MCTP1: variants seen among roughly 807,000 people sequenced by gnomAD.
MCTP1 encodes the protein multiple C2 and transmembrane domain containing 1.
In MCTP1, 69 loss-of-function variants were observed where a neutral mutation model predicts 120.6. The observed-to-expected ratio is 0.57, with a 90% CI of 0.47 to 0.70. The LOEUF is 0.70. Among genes scored for constraint, MCTP1 ranks in the 30% least tolerant of loss-of-function variants. The pLI, the probability that MCTP1 is intolerant of heterozygous loss-of-function variation, is 0.00. For missense variants in MCTP1, 1,203 were observed against 1,248.8 expected (o/e 0.96, Z 0.55); for synonymous variants, 529 against 493.1 (o/e 1.07, Z -0.96).
At chr5:94,732,607 A>C (rs1250523896) in intron 19 of MCTP1, among the ~76,000 whole-genome samples, 1 of 152,154 alleles carries the variant, frequency 6.6e-6, no homozygotes, top group Non-Finnish European at 1.5e-5. Context: ...CTAATCTCCA[A>C]TCTTATGATA....
At chr5:94,883,497 C>G (rs1430322205) in intron 12 of MCTP1, among the ~76,000 whole-genome samples, 1 of 152,150 alleles carries the variant, frequency 6.6e-6, no homozygotes, top group Non-Finnish European at 1.5e-5. Flanking sequence ...GAAACTATGA[C>G]TATTTGCACA....
At chr5:95,254,634 A>G (rs1234539320) in intron 1 of MCTP1, among the ~76,000 whole-genome samples, 1 of 152,200 alleles carries the variant, frequency 6.6e-6, no homozygotes, top group Non-Finnish European at 1.5e-5. Context: ...AGACATGGAT[A>G]CTATGTTAAG....
At chr5:94,934,400 G>A (rs545027861) in intron 5 of MCTP1, among the ~76,000 whole-genome samples, 1 of 151,890 alleles carries the variant, frequency 6.6e-6, no homozygotes, top group South Asian at 2.1e-4. Context: ...TATTATTATA[G>A]TACAATTCAA....
chr5:94,877,051 C>T (rs1422822571), intron 12 of MCTP1, among the ~76,000 whole-genome samples: 1 of 151,698 alleles, frequency 6.6e-6, no homozygotes, highest in African/African-American at 2.4e-5. Context: ...GCAACAGGAG[C>T]AAGGAGAAGG....
chr5:94,845,365 C>T (rs970784980), intron 17 of MCTP1, among the ~76,000 whole-genome samples: 1 of 152,100 alleles, frequency 6.6e-6, no homozygotes, highest in Non-Finnish European at 1.5e-5. Context: ...CACTTATTCA[C>T]TATCACGAGG....
chr5:94,744,846 A>G (rs73133904), intron 19 of MCTP1, among the ~76,000 whole-genome samples: 12,486 of 152,086 alleles, frequency 0.082, 584 homozygotes, highest in South Asian at 0.12. Context: ...ACATCCCGAG[A>G]TTTGATACCA....
intron 1 of MCTP1, among the ~76,000 whole-genome samples, chr5:95,114,882 C>T (rs1332175870): frequency 1.3e-5 from 2 of 152,160 alleles, no homozygotes; most frequent in African/African-American, 4.8e-5. Flanking sequence ...TGACCCAGCA[C>T]AGACACAGTG....
At chr5:95,211,762 A>G (rs1303755615) in intron 1 of MCTP1, among the ~76,000 whole-genome samples, 1 of 152,030 alleles carries the variant, frequency 6.6e-6, no homozygotes, top group Non-Finnish European at 1.5e-5. Context: ...TGCTTTTTAG[A>G]GTTTCCAGTT....
At chr5:94,842,283 A>T (rs962025012) in intron 17 of MCTP1, among the ~76,000 whole-genome samples, 1 of 152,122 alleles carries the variant, frequency 6.6e-6, no homozygotes, top group Non-Finnish European at 1.5e-5. Flanking sequence ...TTATTGAGAG[A>T]CTATTAGTAT....
chr5:95,110,162 A>G (rs73140066), intron 1 of MCTP1, among the ~76,000 whole-genome samples: 1,818 of 152,258 alleles, frequency 0.012, 38 homozygotes, highest in African/African-American at 0.039. Flanking sequence ...AACTTTGTGC[A>G]GAAACAGCTT....
intron 1 of MCTP1, among the ~76,000 whole-genome samples, chr5:95,236,597 G>T (rs987039551): frequency 4.6e-5 from 7 of 152,122 alleles, no homozygotes; most frequent in Non-Finnish European, 1.5e-5. Flanking sequence ...GCTGATTACG[G>T]TATAAAAAGT....
intron 1 of MCTP1, among the ~76,000 whole-genome samples, chr5:95,124,688 C>A (rs778280823): frequency 6.6e-6 from 1 of 152,176 alleles, no homozygotes; most frequent in Non-Finnish European, 1.5e-5. Flanking sequence ...ATAATTCCTA[C>A]GTTTGTAGAA....
At chr5:95,079,730 T>C (rs1754441982) in intron 1 of MCTP1, among the ~76,000 whole-genome samples, 1 of 151,880 alleles carries the variant, frequency 6.6e-6, no homozygotes, top group Admixed American at 6.6e-5. Context: ...TAAAAAATAT[T>C]TTATATTTTT....
chr5:94,868,399 A>G lies in MCTP1; in HGVS notation c.2370T>C (p.Asn790=). The part of the protein sequence containing the change: ...RMKRCVMVLV[N]AAYYVNSCFD... ...AGCAACTATTAACGTAGTATGCAGC[A>G]TTTACCAGCACCATGACACAACGTT... Residue 790 remains asparagine (N), a synonymous_variant, in exon 17 of 23, where the codon AAT becomes AAC. Coordinates refer to ENST00000515393, the MANE Select transcript of MCTP1 (RefSeq NM_024717.7). 1 of 1,609,192 alleles carries G rather than the reference A, an allele frequency of 6.2e-7. No individual in the cohort carries two copies. The highest frequency in any genetic ancestry group is 8.5e-7 in the Non-Finnish European group (1 of 1,177,582).
intron 1 of MCTP1, among the ~76,000 whole-genome samples, chr5:95,260,588 T>C (rs545626949): frequency 2.6e-5 from 4 of 152,274 alleles, no homozygotes; most frequent in African/African-American, 7.2e-5. Flanking sequence ...AATATATATA[T>C]GTATACACAT....
At chr5:94,781,688 T>A (rs1776608249) in intron 18 of MCTP1, among the ~76,000 whole-genome samples, 1 of 152,128 alleles carries the variant, frequency 6.6e-6, no homozygotes, top group Admixed American at 6.5e-5. Flanking sequence ...ATTTTACAGA[T>A]CAGCTGTGGA....
intron 19 of MCTP1, among the ~76,000 whole-genome samples, chr5:94,721,653 C>T (rs980092859): frequency 6.6e-6 from 1 of 152,114 alleles, no homozygotes; most frequent in Non-Finnish European, 1.5e-5. Context: ...CCCAAAACTG[C>T]AATGGATAAT....
At chr5:95,209,781 T>C (rs765399819) in intron 1 of MCTP1, among the ~76,000 whole-genome samples, 2 of 152,210 alleles carry the variant, frequency 1.3e-5, no homozygotes, top group Non-Finnish European at 2.9e-5. Flanking sequence ...TGATTTTGGA[T>C]CTTTCCTGCT....
intron 1 of MCTP1, among the ~76,000 whole-genome samples, chr5:95,061,269 G>A (rs939699545): frequency 6.7e-6 from 1 of 150,354 alleles, no homozygotes; most frequent in South Asian, 2.1e-4. Flanking sequence ...ATAAATAAGG[G>A]AAAAACATAA....
Sources: gnomAD v4.1 joint callset for allele counts (sites outside exome capture counted in the v4.1 genomes callset) on GRCh38, gnomAD v4.1.1 for gene constraint, MANE v1.5 for transcripts, NCBI Gene and HGNC (gene_info 2026-07-23, HGNC 2026-07-21) for gene names.